GSS: variants seen among roughly 807,000 people sequenced by gnomAD.
The protein encoded by GSS is GSH synthetase.
GSS carries 34 observed loss-of-function variants against 60.4 expected under a neutral mutation model. That is an observed-to-expected ratio of 0.56 (90% CI 0.43 to 0.75). GSS has a LOEUF of 0.75. Ranked by LOEUF, GSS falls within the 30% of genes least tolerant of loss-of-function variation. The probability of loss-of-function intolerance (pLI) is 0.00; values close to 1 mark genes in which losing one functional copy is unlikely to be tolerated. For missense variants in GSS, 499 were observed against 595.1 expected (o/e 0.84, Z 1.68); for synonymous variants, 224 against 239.0 (o/e 0.94, Z 0.58).
intron 6 of GSS, among the ~76,000 whole-genome samples, chr20:34,938,138 G>A (rs1024386095): frequency 6.6e-6 from 1 of 152,198 alleles, no homozygotes; most frequent in Non-Finnish European, 1.5e-5. Context: ...CATTACAGGT[G>A]TGAGCCACTG....
At chr20:34,951,962 T>C in intron 1 of GSS, 102 bp from the exon 2 acceptor site, 2 of 1,235,996 alleles carry the variant, frequency 1.6e-6, no homozygotes, top group South Asian at 1.2e-5. Context: ...GACCCTGACC[T>C]CTGTTGGAAG....
At chr20:34,951,663 G>C in intron 2 of GSS, 61 bp downstream of exon 2, 1 of 1,552,256 alleles carries the variant, frequency 6.4e-7, no homozygotes, top group Non-Finnish European at 8.7e-7. Flanking sequence ...GTGACCCTCA[G>C]CCTGGCCGGG....
intron 6 of GSS, 80 bp downstream of exon 6, chr20:34,941,633 G>T: frequency 1.2e-6 from 1 of 822,156 alleles, no homozygotes; most frequent in Non-Finnish European, 2.2e-6. Context: ...TCTAATGATG[G>T]CTGGCAAGAA....
At chr20:34,940,080 T>C (rs2081470984) in intron 6 of GSS, among the ~76,000 whole-genome samples, 1 of 152,182 alleles carries the variant, frequency 6.6e-6, no homozygotes, top group Non-Finnish European at 1.5e-5. Flanking sequence ...GTATTATTAT[T>C]ACTCCTATTT....
chr20:34,955,948 C>G (rs1000957314), upstream of GSS: 1 of 152,486 alleles, frequency 6.6e-6, no homozygotes, highest in Admixed American at 6.5e-5. Context: ...CGGCTGCACC[C>G]TGGCGGATGG....
chr20:34,933,458 G>A (rs928025004), intron 9 of GSS: 1 of 153,724 alleles, frequency 6.5e-6, no homozygotes, highest in Non-Finnish European at 1.5e-5. Context: ...CAAGAGCTGA[G>A]GGTATAAAAG....
At chr20:34,931,667 C>A in intron 10 of GSS, 2 of 623,886 alleles carry the variant, frequency 3.2e-6, no homozygotes, top group Non-Finnish European at 5.7e-6. Context: ...ATACACTTCT[C>A]AATTCTTGCC....
intron 8 of GSS, 136 bp from the exon 9 acceptor site, chr20:34,935,778 T>C (rs950437862): frequency 5.7e-6 from 4 of 703,928 alleles, no homozygotes; most frequent in Non-Finnish European, 1.0e-5. Flanking sequence ...GGTCAGGGGT[T>C]CACTGGAACC....
At chr20:34,943,177 G>T (rs1030510365) in intron 3 of GSS, among the ~76,000 whole-genome samples, 171 bp from the exon 4 acceptor site, 7 of 152,092 alleles carry the variant, frequency 4.6e-5, no homozygotes, top group African/African-American at 1.7e-4. Context: ...CTAGACCTGG[G>T]TTCAAATCCT....
chr20:34,931,263 A>G, intron 11 of GSS, 73 bp downstream of exon 11: 2 of 1,143,798 alleles, frequency 1.7e-6, no homozygotes, highest in Non-Finnish European at 2.7e-6. Context: ...GCCCAGAGTA[A>G]GTGCCAATGA....
At chr20:34,953,897 C>G (rs2081589524) in intron 1 of GSS, among the ~76,000 whole-genome samples, 1 of 152,134 alleles carries the variant, frequency 6.6e-6, no homozygotes, top group Admixed American at 6.6e-5. Context: ...GTGAGCCACC[C>G]CGCCCAGCCG....
chr20:34,936,706 G>C lies in GSS; in HGVS notation c.767+57C>G. Reference sequence around the variant, plus strand: ...GAAGAAAGAATCATTTTGGGGAAGAGGGTGGCAGGATGAGTTTCATAAACC... The same window carrying C: ...GAAGAAAGAATCATTTTGGGGAAGACGGTGGCAGGATGAGTTTCATAAACC... On this transcript the variant is annotated intron_variant, in intron 8 of 12. Transcript: ENST00000651619. 8.9e-6 allele frequency: 10 copies of C among 1,127,700 alleles called. No individual in the cohort carries two copies. The Admixed American group carries it at 1.2e-4, about 13-fold the overall frequency. 69.9% of individuals were successfully genotyped at this position (1,127,700 alleles called of 1,614,324 possible). A position where few individuals can be genotyped will look rare whatever the true frequency, so the allele number is the denominator to read the frequency against.
chr20:34,931,821 C>T, intron 10 of GSS, 118 bp downstream of exon 10: 1 of 932,600 alleles, frequency 1.1e-6, no homozygotes. Flanking sequence ...GCATCACCAA[C>T]CTTGCCAGCT....
rs772305252 is a variant in GSS at position 34,951,715 on chromosome 20, G to C, written c.129+9C>G. 6.2e-7 allele frequency: 1 copy of C among 1,600,078 alleles called. No individual in the cohort carries two copies. Among genetic ancestry groups the C allele is most frequent in the Non-Finnish European group, 8.5e-7 (1 of 1,172,352 alleles). On this transcript the variant is annotated intron_variant, in intron 2 of 12. Coordinates refer to ENST00000651619, the MANE Select transcript of GSS (RefSeq NM_000178.4). ...TGGTGAATGCTGTGGGGAGGAGCTAGGGGCTTACCTCCGAGGAAGTGGGCT... is the reference window on the plus strand; with the variant it reads ...TGGTGAATGCTGTGGGGAGGAGCTACGGGCTTACCTCCGAGGAAGTGGGCT...
At chr20:34,937,052 C>G (rs762902804) in intron 6 of GSS, 29 bp from the exon 7 acceptor site, 3 of 1,537,182 alleles carry the variant, frequency 2.0e-6, no homozygotes, top group East Asian at 4.5e-5. Context: ...TGGCCCGAGG[C>G]TACTATAGAA....
At chr20:34,935,742 C>A (rs2081436262) in intron 8 of GSS, 100 bp from the exon 9 acceptor site, 1 of 897,552 alleles carries the variant, frequency 1.1e-6, no homozygotes, top group Non-Finnish European at 1.8e-6. Flanking sequence ...TTGGCTTTTT[C>A]AAAATTCAGC....
chr20:34,928,972 G>T (rs1173058546), intron 12 of GSS, 21 bp from the exon 13 acceptor site: 1 of 1,612,378 alleles, frequency 6.2e-7, no homozygotes, highest in Non-Finnish European at 8.5e-7. Context: ...GGAGGCAGGG[G>T]ACACACATCA....
In GSS at chr20:34,950,130, C is replaced by A. The variant is rs142219352; in HGVS notation, c.129+1594G>T. On this transcript the variant is annotated intron_variant, in intron 2 of 12. Transcript: ENST00000651619. ...AGGCTCCATAACCTCCCAGAAAGACCAAGTGTTGGATCTTCACATGGTACC... is the reference window on the plus strand; with the variant it reads ...AGGCTCCATAACCTCCCAGAAAGACAAAGTGTTGGATCTTCACATGGTACC... 4.6e-5 allele frequency: 7 copies of A among 151,976 alleles called. No homozygotes were observed. The East Asian group carries it at 1.4e-3, about 29-fold the overall frequency. 9.4% of individuals were successfully genotyped at this position (151,976 alleles called of 1,614,324 possible).
chr20:34,940,144 C>T (rs1285829582), intron 6 of GSS, among the ~76,000 whole-genome samples: 3 of 152,156 alleles, frequency 2.0e-5, no homozygotes, highest in African/African-American at 7.2e-5. Flanking sequence ...AGGTCATGTG[C>T]TATGTCAGCA....
Sources: gnomAD v4.1 joint callset for allele counts (sites outside exome capture counted in the v4.1 genomes callset) on GRCh38, gnomAD v4.1.1 for gene constraint, MANE v1.5 for transcripts, NCBI Gene and HGNC (gene_info 2026-07-23, HGNC 2026-07-21) for gene names.